Variants in MTDH observed in about 807,000 individuals in gnomAD.
The protein encoded by MTDH is protein LYRIC.
MTDH carries 34 observed loss-of-function variants against 72.7 expected under a neutral mutation model. The ratio of observed to expected loss-of-function variants is 0.47; its 90% CI spans 0.36 to 0.62. The LOEUF (loss-of-function observed/expected upper bound fraction) is 0.62. MTDH is among the 20% of genes least tolerant of loss of function. The pLI, the probability that MTDH is intolerant of heterozygous loss-of-function variation, is 0.00. For missense variants in MTDH, 677 were observed against 699.4 expected, an observed-to-expected ratio of 0.97 and a Z score of 0.36; for synonymous variants, 266 against 268.9, an observed-to-expected ratio of 0.99 and a Z score of 0.10.
Position 97,713,721 on chromosome 8 carries a change from G to GA in MTDH, c.1340dup (p.Lys448GlufsTer7). ...CTCTTCCAACTGGGAAATCCAAAAA[G>GA]AAAAAAAAGAAAAAGAAGAAGCAAG... On this transcript the variant is annotated frameshift_variant, in exon 9 of 12. Transcript: ENST00000336273. LOFTEE classifies it high-confidence loss of function. The GA allele has an allele frequency of 1.1e-5, 18 of 1,604,056 alleles. No individual in the cohort carries two copies. The highest frequency in any genetic ancestry group is 5.6e-5 in the South Asian group (5 of 89,370).
At chr8:97,697,150 A>ATATATATATATATATT in intron 6 of MTDH, among the ~76,000 whole-genome samples, 6 of 68,790 alleles carry the variant, frequency 8.7e-5, no homozygotes, top group South Asian at 1.2e-3. Context: ...ATATATATAT[A>ATATATATATATATATT]TTTTTTTTTT....
intron 2 of MTDH, among the ~76,000 whole-genome samples, chr8:97,662,742 CG>C (rs958333943): frequency 2.0e-5 from 3 of 150,710 alleles, no homozygotes; most frequent in African/African-American, 7.3e-5. Context: ...GCAGGGATTG[CG>C]CCACTGCACT....
chr8:97,644,685 G>T lies in MTDH; in HGVS notation c.179G>T (p.Gly60Val), dbSNP rs764170280. 1 of 1,604,340 alleles carries T rather than the reference G, an allele frequency of 6.2e-7. No individual in the cohort carries two copies. Among genetic ancestry groups the T allele is most frequent in the Non-Finnish European group, 8.5e-7 (1 of 1,177,202 alleles). ...WVILVGTGALGLLLLFLLGYG... is the reference protein window; with the variant it reads ...WVILVGTGALVLLLLFLLGYG... ...ATCCTGGTGGGCACTGGCGCGCTCG[G>T]GCTGCTGCTGCTGTTTCTGCTGGGC... The change falls in exon 1 of 12, where the codon GGG (glycine) becomes GTG (valine). Residue 60 changes from glycine (G) to valine (V), a missense_variant. Gly to Val is a moderately radical substitution (Grantham distance 109, BLOSUM62 -3). Around this residue, in one of 3 missense-constraint regions of MTDH, gnomAD observed 467 missense variants for 469.1 expected, o/e 1.00. Transcript: ENST00000336273.
Position 97,644,415 on chromosome 8 carries a change from A to ACCCGG in MTDH, c.-83_-79dup. 2 of 1,465,766 alleles carry ACCCGG rather than the reference A, an allele frequency of 1.4e-6. No individual in the cohort carries two copies. The highest frequency in any genetic ancestry group is 1.8e-6 in the Non-Finnish European group (2 of 1,112,346). 90.8% of individuals were successfully genotyped at this position (1,465,766 alleles called of 1,614,324 possible). A position where few individuals can be genotyped will look rare whatever the true frequency, so the allele number is the denominator to read the frequency against. Reference sequence around the variant, plus strand: ...GCCGCGATGCGCTCGGCCTGAGGTTACCCGGCCCGGCCCTTCCTCGCTTCC... The same window carrying ACCCGG: ...GCCGCGATGCGCTCGGCCTGAGGTTACCCGGCCCGGCCCGGCCCTTCCTCGCTTCC... On this transcript the variant is annotated 5_prime_UTR_variant, in exon 1 of 12. Coordinates refer to ENST00000336273, the MANE Select transcript of MTDH (RefSeq NM_178812.4).
chr8:97,683,321 C>T (rs946900484), intron 2 of MTDH, among the ~76,000 whole-genome samples: 13 of 151,942 alleles, frequency 8.6e-5, no homozygotes, highest in African/African-American at 1.9e-4. Flanking sequence ...CCTCAGCCTC[C>T]CAAAGTGCTG....
intron 2 of MTDH, among the ~76,000 whole-genome samples, chr8:97,664,699 T>TTTTC (rs138319339): frequency 4.6e-5 from 7 of 152,038 alleles, no homozygotes; most frequent in East Asian, 1.9e-4. Context: ...TTTAGACTTA[T>TTTTC]TTTCTTTCTT....
intron 2 of MTDH, among the ~76,000 whole-genome samples, chr8:97,673,973 T>C (rs1374749904): frequency 5.3e-5 from 8 of 151,786 alleles, no homozygotes; most frequent in African/African-American, 1.9e-4. Flanking sequence ...AAACCCTATC[T>C]CAAAAATCAG....
At position 97,726,101 on chromosome 8, in the gene MTDH, G is replaced by A. The variant is rs1321853380; in HGVS notation, c.*1431G>A. Reference sequence around the variant, plus strand: ...TTTGACTGTGGTTCAACAGTATTGCGTTGTCAGACTAGGAAAGCTAAACGA... The same window carrying A: ...TTTGACTGTGGTTCAACAGTATTGCATTGTCAGACTAGGAAAGCTAAACGA... On this transcript the variant is annotated 3_prime_UTR_variant, in exon 12 of 12. Transcript: ENST00000336273. 1 of 152,626 alleles carries A rather than the reference G, an allele frequency of 6.6e-6. No homozygotes were observed. The allele number at this position is 152,626 out of a possible 1,614,324, so 9.5% of individuals were successfully genotyped here. A position where few individuals can be genotyped will look rare whatever the true frequency, so the allele number is the denominator to read the frequency against.
At chr8:97,699,530 A>G (rs1455362054) in intron 6 of MTDH, among the ~76,000 whole-genome samples, 3 of 152,180 alleles carry the variant, frequency 2.0e-5, no homozygotes, top group Non-Finnish European at 2.9e-5. Flanking sequence ...GGGAAAACAT[A>G]GATTTCTGAT....
intron 2 of MTDH, among the ~76,000 whole-genome samples, chr8:97,673,941 C>G (rs1006793231): frequency 4.6e-4 from 70 of 152,240 alleles, no homozygotes; most frequent in African/African-American, 1.6e-3. Flanking sequence ...TACCACTGCA[C>G]TCCAGCCTGG....
At chr8:97,718,535 T>G (rs1814973674) in intron 9 of MTDH, among the ~76,000 whole-genome samples, 1 of 151,442 alleles carries the variant, frequency 6.6e-6, no homozygotes, top group South Asian at 2.1e-4. Flanking sequence ...TGTTTTTTTT[T>G]TGTGAGACAG....
At chr8:97,685,942 A>G (rs1359185667) in intron 2 of MTDH, among the ~76,000 whole-genome samples, 1 of 152,204 alleles carries the variant, frequency 6.6e-6, no homozygotes, top group Non-Finnish European at 1.5e-5. Flanking sequence ...AAAGGATAGA[A>G]TAATATTAGG....
rs539902365 is a variant in MTDH at position 97,694,695 on chromosome 8, G to A, written c.1048+3507G>A. ...CTGGCACTTTGCAGGGCTGAGGCTG[G>A]CAGATCGCCTGAGCCCAGGAGTTCC... is the stretch of plus-strand genomic sequence containing the variant. On this transcript the variant is annotated intron_variant, in intron 6 of 11. Coordinates refer to ENST00000336273, the MANE Select transcript of MTDH (RefSeq NM_178812.4). Among the ~76,000 whole-genome samples, 6 of 152,280 alleles carry A rather than the reference G, an allele frequency of 3.9e-5. 1 individual carries two copies. In the South Asian group the frequency reaches 1.2e-3, roughly 32 times the overall value.
Position 97,644,531 on chromosome 8 carries a change from G to T in MTDH, c.25G>T (p.Glu9Ter). 3 of 1,595,192 alleles carry T rather than the reference G, an allele frequency of 1.9e-6. No homozygotes were observed. The highest frequency in any genetic ancestry group is 2.6e-6 in the Non-Finnish European group (3 of 1,175,576). Residue 9 changes from glutamate (E) to a stop codon, truncating the protein, a stop_gained, in exon 1 of 12, where the codon GAG becomes TAG. Coordinates refer to ENST00000336273, the MANE Select transcript of MTDH (RefSeq NM_178812.4). LOFTEE classifies it high-confidence loss of function. ...GATGGCTGCACGGAGCTGGCAGGAC[G>T]AGCTGGCCCAGCAGGCCGAGGAGGG... is the stretch of plus-strand genomic sequence containing the variant. MAARSWQD[E>*]LAQQAEEGSA...
intron 7 of MTDH, among the ~76,000 whole-genome samples, chr8:97,700,770 C>T (rs1427586896): frequency 6.6e-6 from 1 of 152,196 alleles, no homozygotes; most frequent in Non-Finnish European, 1.5e-5. Flanking sequence ...CCAGGCCACA[C>T]AGTTAGTTAA....
At chr8:97,714,784 G>GCCCA (rs1434518773) in intron 9 of MTDH, among the ~76,000 whole-genome samples, 2 of 151,778 alleles carry the variant, frequency 1.3e-5, no homozygotes, top group Non-Finnish European at 2.9e-5. Flanking sequence ...TCTAGGGTTA[G>GCCCA]CCCACATAGT....
At chr8:97,718,424 T>C (rs1242020352) in intron 9 of MTDH, among the ~76,000 whole-genome samples, 1 of 152,232 alleles carries the variant, frequency 6.6e-6, no homozygotes, top group East Asian at 1.9e-4. Context: ...GTAAGCTTAA[T>C]TTATCTAGAA....
rs895398664 is a variant in MTDH, at chr8:97,724,813, A to T, written c.*143A>T. 2 of 535,628 alleles carry T rather than the reference A, an allele frequency of 3.7e-6. No homozygotes were observed. The highest frequency in any genetic ancestry group is 7.4e-5 in the Admixed American group (2 of 26,848). 33.2% of individuals were successfully genotyped at this position (535,628 alleles called of 1,614,324 possible). A position where few individuals can be genotyped will look rare whatever the true frequency, so the allele number is the denominator to read the frequency against. On this transcript the variant is annotated 3_prime_UTR_variant, in exon 12 of 12. Coordinates refer to ENST00000336273, the MANE Select transcript of MTDH (RefSeq NM_178812.4). ...AACAAAACTGCGGACACCACCATAA[A>T]AATGGAATCAAAAGAAAGTTAATTT...
At chr8:97,659,167 A>G (rs923369123) in intron 1 of MTDH, among the ~76,000 whole-genome samples, 2 of 152,068 alleles carry the variant, frequency 1.3e-5, no homozygotes, top group South Asian at 4.1e-4. Flanking sequence ...TGATGATATT[A>G]GAAAGTAAAA....
Sources: allele counts gnomAD v4.1 joint callset (sites outside exome capture counted in the v4.1 genomes callset), GRCh38; gene constraint gnomAD v4.1.1; regional missense constraint gnomAD v4.1.1; transcripts MANE v1.5; gene names NCBI Gene and HGNC (gene_info 2026-07-23, HGNC 2026-07-21).